Variants in NXPE4 observed in about 807,000 individuals in gnomAD.
NXPE4 encodes the protein neurexophilin and PC-esterase domain family member 4.
Under a neutral mutation model 33.3 loss-of-function variants are expected in NXPE4, and 42 were observed. The observed-to-expected ratio is 1.26, with a 90% CI of 0.98 to 1.63. The LOEUF (loss-of-function observed/expected upper bound fraction) is 1.63. Among genes scored for constraint, NXPE4 ranks in the 40% most tolerant of loss-of-function variants. The pLI, the probability that NXPE4 is intolerant of heterozygous loss-of-function variation, is 0.00. For synonymous variants in NXPE4, 253 were observed against 234.9 expected (o/e 1.08, Z -0.71); for missense variants, 709 against 647.6 (o/e 1.09, Z -1.03).
intron 2 of NXPE4, among the ~76,000 whole-genome samples, chr11:114,593,104 A>G (rs1204202523): frequency 6.6e-6 from 1 of 152,162 alleles, no homozygotes; most frequent in Non-Finnish European, 1.5e-5. Context: ...ACTGTTCAGG[A>G]CACTGATGTA....
At chr11:114,670,853 A>G in the NXPE4 span, among the ~76,000 whole-genome samples, 3 of 151,746 alleles carry the variant, frequency 2.0e-5, no homozygotes, top group African/African-American at 7.3e-5. Context: ...TGACTCACGA[A>G]CAGGAGAAAA....
chr11:114,581,763 A>C lies in NXPE4; in HGVS notation c.854T>G (p.Met285Arg), dbSNP rs909502889. The C allele has an allele frequency of 1.2e-6, 2 of 1,611,396 alleles. No individual in the cohort carries two copies. The highest frequency in any genetic ancestry group is 1.3e-5 in the African/African-American group (1 of 74,824). Reference sequence around the variant, plus strand: ...GACACTAATTGTATTGAATTTTTCCATAATCTCTACACCCACATTTGACCT... The same window carrying C: ...GACACTAATTGTATTGAATTTTTCCCTAATCTCTACACCCACATTTGACCT... ...FERSNVGVEI[M>R]EKFNTISVSK... is the part of the protein sequence containing the mutation. The change falls in exon 4 of 6, where the codon ATG becomes AGG. Residue 285 changes from methionine to arginine, a missense_variant. By Grantham distance (91) the Met-to-Arg change is moderately conservative. Transcript: ENST00000375478.
At chr11:114,651,737 C>T in the NXPE4 span, among the ~76,000 whole-genome samples, 12 of 151,976 alleles carry the variant, frequency 7.9e-5, no homozygotes, top group Admixed American at 2.0e-4. Context: ...ACACACAGAG[C>T]GCTGATTGGT....
At chr11:114,654,060 T>C in the NXPE4 span, among the ~76,000 whole-genome samples, 89 of 152,188 alleles carry the variant, frequency 5.8e-4, no homozygotes, top group African/African-American at 2.0e-3. Flanking sequence ...GTAATGACAA[T>C]GATACAAAGT....
chr11:114,660,260 T>G, the NXPE4 span, among the ~76,000 whole-genome samples: 3 of 152,032 alleles, frequency 2.0e-5, no homozygotes, highest in Admixed American at 6.6e-5. Context: ...CTACTGATTT[T>G]TTTCAGAAAA....
chr11:114,622,935 G>A, the NXPE4 span, among the ~76,000 whole-genome samples: 16 of 152,172 alleles, frequency 1.1e-4, no homozygotes, highest in South Asian at 2.1e-4. Context: ...GTATTGCCTC[G>A]TGGGTTACCA....
chr11:114,585,615 A>G (rs1949275272), intron 2 of NXPE4, among the ~76,000 whole-genome samples: 1 of 152,060 alleles, frequency 6.6e-6, no homozygotes, highest in Non-Finnish European at 1.5e-5. Context: ...GTGTGTATAT[A>G]TATGTATATA....
chr11:114,652,388 TG>T, the NXPE4 span, among the ~76,000 whole-genome samples: 1 of 152,208 alleles, frequency 6.6e-6, no homozygotes, highest in African/African-American at 2.4e-5. Context: ...GACTGCGATT[TG>T]TACAGTCAAA....
chr11:114,633,075 T>C, the NXPE4 span, among the ~76,000 whole-genome samples: 1 of 119,054 alleles, frequency 8.4e-6, no homozygotes. Flanking sequence ...TTGTTTTTTA[T>C]AATTTATCTT....
the NXPE4 span, among the ~76,000 whole-genome samples, chr11:114,628,126 A>G: frequency 6.8e-6 from 1 of 146,062 alleles, no homozygotes; most frequent in Non-Finnish European, 1.5e-5. Flanking sequence ...CAGAAAGTCA[A>G]CAACGATACC....
At chr11:114,584,950 A>G (rs1442329944) in intron 2 of NXPE4, among the ~76,000 whole-genome samples, 1 of 152,102 alleles carries the variant, frequency 6.6e-6, no homozygotes, top group African/African-American at 2.4e-5. Context: ...GTCTGGGTGA[A>G]GGGAATACTT....
chr11:114,574,653 T>C (rs1273465150), intron 5 of NXPE4, among the ~76,000 whole-genome samples: 1 of 152,128 alleles, frequency 6.6e-6, no homozygotes, highest in Non-Finnish European at 1.5e-5. Flanking sequence ...CAGGAAGATA[T>C]AGAATCTCTG....
In NXPE4 at chr11:114,585,195, G is replaced by C. The variant is rs115750871; in HGVS notation, c.97-2174C>G. On this transcript the variant is annotated intron_variant, in intron 2 of 5. Coordinates refer to ENST00000375478, the MANE Select transcript of NXPE4 (RefSeq NM_001077639.2). ...CTGCCATCTGTCTTCCCCCAGTTCT[G>C]CAGGTGGAGGATGGTAGTCTAGTCT... 4.1e-3 allele frequency among the ~76,000 whole-genome samples: 628 copies of C among 151,744 alleles called. 3 individuals are homozygous for C. Among genetic ancestry groups the C allele is most frequent in the African/African-American group, 0.014 (574 of 41,414 alleles).
At chr11:114,600,251 C>G (rs529435472), upstream of NXPE4, among the ~76,000 whole-genome samples, 1 of 152,114 alleles carries the variant, frequency 6.6e-6, no homozygotes, top group Admixed American at 6.6e-5. Flanking sequence ...TTAACATAAC[C>G]AGTAAGAAGA....
the NXPE4 span, among the ~76,000 whole-genome samples, chr11:114,609,820 A>T: frequency 1.3e-5 from 2 of 148,234 alleles, no homozygotes; most frequent in Admixed American, 1.4e-4. Context: ...TGCCTGGTGG[A>T]TTACCATGGT....
chr11:114,629,472 C>G, the NXPE4 span, among the ~76,000 whole-genome samples: 24,686 of 149,280 alleles, frequency 0.17, 2,606 homozygotes, highest in Non-Finnish European at 0.22. Flanking sequence ...ATTCAACAAC[C>G]CTTCATGCTA....
the NXPE4 span, among the ~76,000 whole-genome samples, chr11:114,604,231 GT>G: frequency 6.6e-6 from 1 of 152,020 alleles, no homozygotes; most frequent in Non-Finnish European, 1.5e-5. Context: ...CTGTTACCCG[GT>G]TTATAATAAG....
Position 114,582,811 on chromosome 11 carries a change from TG to T in NXPE4, c.306del (p.Thr103ProfsTer21). The T allele has an allele frequency of 6.2e-7, 1 of 1,614,146 alleles. No individual in the cohort carries two copies. The highest frequency in any genetic ancestry group is 1.7e-5 in the Admixed American group (1 of 60,026). On this transcript the variant is annotated frameshift_variant, in exon 3 of 6. Coordinates refer to ENST00000375478, the MANE Select transcript of NXPE4 (RefSeq NM_001077639.2). LOFTEE classifies it high-confidence loss of function. ...TACGTATCTCGAGGGTTGAGGATGG[TG>T]GCTGTGCTATGTGTGGCGCTGGTGG... The part of the protein sequence containing the change: ...NTTTSATHST[A>X]TILNPRDTYC...
At chr11:114,616,316 C>T in the NXPE4 span, among the ~76,000 whole-genome samples, 1 of 146,054 alleles carries the variant, frequency 6.8e-6, no homozygotes, top group Non-Finnish European at 1.5e-5. Context: ...AGTGTTGTCT[C>T]ACGTGTAACC....
Sources: gnomAD v4.1 joint callset for allele counts (sites outside exome capture counted in the v4.1 genomes callset) on GRCh38, gnomAD v4.1.1 for gene constraint, MANE v1.5 for transcripts, NCBI Gene and HGNC (gene_info 2026-07-23, HGNC 2026-07-21) for gene names.